DIS3L2: variants seen among roughly 807,000 people sequenced by gnomAD.
DIS3L2 encodes DIS3-like exonuclease 2.
In DIS3L2, 34 loss-of-function variants were observed where a neutral mutation model predicts 97.5. That is an observed-to-expected ratio of 0.35 (90% CI 0.27 to 0.46). DIS3L2 has a LOEUF of 0.46. Ranked by LOEUF, DIS3L2 falls within the 20% of genes least tolerant of loss-of-function variation. DIS3L2 has a pLI of 1.00. For missense variants in DIS3L2, 1,038 were observed against 1,146.0 expected, an observed-to-expected ratio of 0.91 and a Z score of 1.36; for synonymous variants, 435 against 445.2, an observed-to-expected ratio of 0.98 and a Z score of 0.29.
chr2:232,214,484 C>T (rs1389268182), intron 10 of DIS3L2, among the ~76,000 whole-genome samples: 1 of 152,186 alleles, frequency 6.6e-6, no homozygotes, highest in African/African-American at 2.4e-5. Context: ...CTATCAGTTA[C>T]TAGATAACAG....
intron 6 of DIS3L2, among the ~76,000 whole-genome samples, chr2:232,093,184 A>C (rs551268049): frequency 6.6e-6 from 1 of 152,296 alleles, no homozygotes; most frequent in South Asian, 2.1e-4. Flanking sequence ...GATATGATGC[A>C]TCACATTGAT....
chr2:232,068,755 A>AT (rs1258327922), intron 5 of DIS3L2, among the ~76,000 whole-genome samples: 16 of 151,736 alleles, frequency 1.1e-4, no homozygotes, highest in East Asian at 1.9e-4. Flanking sequence ...TTGTCCTGAA[A>AT]TTTTTTTTAT....
intron 5 of DIS3L2, among the ~76,000 whole-genome samples, chr2:232,050,796 C>G (rs567487536): frequency 2.4e-4 from 37 of 152,312 alleles, no homozygotes; most frequent in Middle Eastern, 3.4e-3. Context: ...TGACTACCCT[C>G]GATGAATTTG....
chr2:231,979,825 C>G (rs1293876666), intron 1 of DIS3L2, among the ~76,000 whole-genome samples: 1 of 152,132 alleles, frequency 6.6e-6, no homozygotes, highest in East Asian at 1.9e-4. Flanking sequence ...ATCCACCCAC[C>G]TCGGCCTCCC....
chr2:232,094,858 G>A (rs1696958013), intron 6 of DIS3L2, among the ~76,000 whole-genome samples: 1 of 151,924 alleles, frequency 6.6e-6, no homozygotes. Context: ...ATATATTTAA[G>A]ATTTTTATAC....
intron 12 of DIS3L2, chr2:232,260,736 A>C (rs2106277917): frequency 6.6e-6 from 1 of 152,280 alleles, no homozygotes; most frequent in Admixed American, 6.5e-5. Flanking sequence ...GCCATTTTTC[A>C]AGAGTATTGA....
At chr2:232,038,133 A>C (rs77315257) in intron 5 of DIS3L2, among the ~76,000 whole-genome samples, 1,798 of 152,276 alleles carry the variant, frequency 0.012, 18 homozygotes, top group Non-Finnish European at 0.016. Context: ...GGCTGGCTTC[A>C]TGTTTTAGGT....
intron 14 of DIS3L2, among the ~76,000 whole-genome samples, chr2:232,321,607 G>C (rs143591089): frequency 6.6e-6 from 1 of 152,102 alleles, no homozygotes; most frequent in African/African-American, 2.4e-5. Context: ...GGGCGCCTTC[G>C]GCAGTGACGC....
chr2:231,968,619 CA>C (rs1266054768), intron 1 of DIS3L2, among the ~76,000 whole-genome samples: 1 of 152,136 alleles, frequency 6.6e-6, no homozygotes, highest in Non-Finnish European at 1.5e-5. Context: ...TACCAATGGA[CA>C]TGTTGGTTGT....
rs1169059416 is a variant in DIS3L2, at chr2:232,136,153, G to A, written c.703-319G>A. 2.6e-5 allele frequency among the ~76,000 whole-genome samples: 4 copies of A among 152,296 alleles called. No individual in the cohort carries two copies. The East Asian group carries it at 5.8e-4, about 22-fold the overall frequency. On this transcript the variant is annotated intron_variant, in intron 7 of 20. Transcript: ENST00000325385. Reference sequence around the variant, plus strand: ...ATTGTTCATGTGAGAAAAATATAATGTGAAACAAATACCTGGAGCTGTACT... The same window carrying A: ...ATTGTTCATGTGAGAAAAATATAATATGAAACAAATACCTGGAGCTGTACT...
At chr2:232,263,003 G>A (rs573762862) in intron 12 of DIS3L2, among the ~76,000 whole-genome samples, 2 of 152,274 alleles carry the variant, frequency 1.3e-5, no homozygotes, top group East Asian at 1.9e-4. Flanking sequence ...TTAATTCCAC[G>A]CCAGGTGGAG....
intron 6 of DIS3L2, among the ~76,000 whole-genome samples, chr2:232,094,578 C>A (rs1391873514): frequency 6.6e-6 from 1 of 151,868 alleles, no homozygotes; most frequent in Non-Finnish European, 1.5e-5. Flanking sequence ...ATTAGCCAGT[C>A]ATGGTGGTGC....
intron 1 of DIS3L2, among the ~76,000 whole-genome samples, chr2:231,996,827 G>T (rs1693745879): frequency 6.6e-6 from 1 of 152,188 alleles, no homozygotes; most frequent in African/African-American, 2.4e-5. Flanking sequence ...TGCTGAGATT[G>T]TTCCTCCTTT....
At chr2:232,282,455 A>G (rs897163627) in intron 13 of DIS3L2, among the ~76,000 whole-genome samples, 2 of 152,212 alleles carry the variant, frequency 1.3e-5, no homozygotes, top group African/African-American at 4.8e-5. Context: ...CATATTGCTC[A>G]GATATAGCCA....
At chr2:232,195,567 G>A (rs1020246823) in intron 9 of DIS3L2, among the ~76,000 whole-genome samples, 2 of 134,502 alleles carry the variant, frequency 1.5e-5, no homozygotes, top group Non-Finnish European at 3.2e-5. Flanking sequence ...GGTGGGGTGG[G>A]GTAGGGGTGG....
intron 7 of DIS3L2, among the ~76,000 whole-genome samples, chr2:232,132,589 A>T: frequency 6.6e-6 from 1 of 152,208 alleles, no homozygotes; most frequent in Admixed American, 6.5e-5. Context: ...GCCCAGGCCT[A>T]GTGTTTCTGA....
At position 231,976,765 on chromosome 2, in the gene DIS3L2, C is replaced by CTTTT. The variant is rs34911392; in HGVS notation, c.-94+15017_-94+15020dup. ...TTGGCAAAATCATTTAACACGAAGC[C>CTTTT]TTTTTTTTTTTTTTTTTTTTGAGAC... On this transcript the variant is annotated intron_variant, in intron 1 of 20. Transcript: ENST00000325385. Among the ~76,000 whole-genome samples, 25 of 124,452 alleles carry CTTTT rather than the reference C, an allele frequency of 2.0e-4. 1 individual carries two copies. The highest frequency in any genetic ancestry group is 4.1e-3 in the Middle Eastern group (1 of 242). The allele number at this position is 124,452 out of a possible 152,430, so 81.6% of individuals were successfully genotyped here.
intron 13 of DIS3L2, among the ~76,000 whole-genome samples, chr2:232,286,390 G>A (rs913710208): frequency 5.3e-5 from 8 of 150,106 alleles, no homozygotes; most frequent in Admixed American, 2.0e-4. Context: ...TTCCTGCTGC[G>A]GCCCAAGGAG....
At chr2:232,130,222 G>T (rs891680909) in intron 6 of DIS3L2, among the ~76,000 whole-genome samples, 1 of 152,044 alleles carries the variant, frequency 6.6e-6, no homozygotes, top group Non-Finnish European at 1.5e-5. Flanking sequence ...CATTTATTAT[G>T]ATTTTGTTTT....
Sources: gnomAD v4.1 joint callset for allele counts (sites outside exome capture counted in the v4.1 genomes callset) on GRCh38, gnomAD v4.1.1 for gene constraint, MANE v1.5 for transcripts, NCBI Gene and HGNC (gene_info 2026-07-23, HGNC 2026-07-21) for gene names.